Variants in SLC9C1 observed in about 807,000 individuals in gnomAD.
SLC9C1 encodes solute carrier family 9 member C1.
A neutral mutation model predicts 140.9 loss-of-function variants in SLC9C1; 97 were observed. That is an observed-to-expected ratio of 0.69 (90% confidence interval 0.58 to 0.82). The LOEUF (loss-of-function observed/expected upper bound fraction) is 0.82. SLC9C1 is among the 40% of genes least tolerant of loss of function. The pLI is 0.00. For missense variants in SLC9C1, 1,340 were observed against 1,389.3 expected (o/e 0.96, Z 0.56); for synonymous variants, 440 against 442.6 (o/e 0.99, Z 0.07).
intron 20 of SLC9C1, among the ~76,000 whole-genome samples, chr3:112,190,176 C>A (rs965261916): frequency 6.6e-6 from 1 of 152,144 alleles, no homozygotes; most frequent in Non-Finnish European, 1.5e-5. Flanking sequence ...ATGTCATCTG[C>A]AAACAGGGAA....
chr3:112,269,856 T>C, intron 7 of SLC9C1, 60 bp downstream of exon 7: 1 of 1,392,580 alleles, frequency 7.2e-7, no homozygotes, highest in Non-Finnish European at 9.4e-7. Flanking sequence ...GCATTTTTCA[T>C]ATATTTTTAT....
At chr3:112,189,497 C>T (rs1369014691) in intron 20 of SLC9C1, among the ~76,000 whole-genome samples, 1 of 152,182 alleles carries the variant, frequency 6.6e-6, no homozygotes, top group African/African-American at 2.4e-5. Flanking sequence ...ATCCTTTCCC[C>T]ATTGCTTGTT....
At chr3:112,189,692 C>G (rs934531602) in intron 20 of SLC9C1, among the ~76,000 whole-genome samples, 3 of 152,134 alleles carry the variant, frequency 2.0e-5, no homozygotes, top group African/African-American at 7.2e-5. Context: ...GTTCTTTTGG[C>G]TTAGGATTGT....
intron 15 of SLC9C1, among the ~76,000 whole-genome samples, chr3:112,209,528 T>C (rs2078144969): frequency 6.6e-6 from 1 of 152,162 alleles, no homozygotes; most frequent in African/African-American, 2.4e-5. Flanking sequence ...AAAAAGAAAT[T>C]CCAATTGAAA....
chr3:112,204,209 G>A lies in SLC9C1; in HGVS notation c.2172+9C>T. 6.8e-7 allele frequency: 1 copy of A among 1,470,024 alleles called. No individual in the cohort carries two copies. Among genetic ancestry groups the A allele is most frequent in the African/African-American group, 1.5e-5 (1 of 67,630 alleles). 91.1% of individuals were successfully genotyped at this position (1,470,024 alleles called of 1,614,324 possible). A position where few individuals can be genotyped will look rare whatever the true frequency, so the allele number is the denominator to read the frequency against. The stretch of plus-strand genomic sequence containing the variant: ...GAATTAGAAATTGCACGATTTACTG[G>A]TTCTTTACCTTGAAAATGCGTAGTA... On this transcript the variant is annotated intron_variant, in intron 17 of 28. Coordinates refer to ENST00000305815, the MANE Select transcript of SLC9C1 (RefSeq NM_183061.3).
intron 13 of SLC9C1, among the ~76,000 whole-genome samples, chr3:112,227,086 A>G (rs1304171267): frequency 6.6e-6 from 1 of 152,158 alleles, no homozygotes; most frequent in Non-Finnish European, 1.5e-5. Flanking sequence ...GGGGGAATGG[A>G]TAAATTCCTG....
Position 112,294,183 on chromosome 3 carries a change from T to C in SLC9C1, c.-178A>G, listed in dbSNP as rs1337456109. On this transcript the variant is annotated 5_prime_UTR_variant, in exon 1 of 29. Transcript: ENST00000305815. ...TCACAGCCAAACAGCCCAGACCAAC[T>C]GCAACCTCACTGACAGTTACTTGCT... The C allele has an allele frequency of 6.6e-6, 1 of 152,316 alleles. No homozygotes were observed. Among genetic ancestry groups the C allele is most frequent in the African/African-American group, 2.4e-5 (1 of 41,444 alleles). The allele number at this position is 152,316 out of a possible 1,614,324, so 9.4% of individuals were successfully genotyped here. A position where few individuals can be genotyped will look rare whatever the true frequency, so the allele number is the denominator to read the frequency against.
At chr3:112,280,452 A>G (rs1699356424) in intron 3 of SLC9C1, among the ~76,000 whole-genome samples, 1 of 152,070 alleles carries the variant, frequency 6.6e-6, no homozygotes, top group Admixed American at 6.6e-5. Context: ...CAGTAGCTGT[A>G]TGTACTCAGT....
rs1021427751 is a variant in SLC9C1 at position 112,145,232 on chromosome 3, G to T, written c.3525-3951C>A. The stretch of plus-strand genomic sequence containing the variant: ...GAGATGATCATATGGTTTTGTTTTT[G>T]ATTCTGTTTATGTGGTGAACCACAG... On this transcript the variant is annotated intron_variant, in intron 28 of 28. Transcript: ENST00000305815. Among the ~76,000 whole-genome samples, 12 of 150,526 alleles carry T rather than the reference G, an allele frequency of 8.0e-5. No homozygotes were observed. In the South Asian group the frequency reaches 1.3e-3, roughly 16 times the overall value.
At chr3:112,240,375 G>C (rs893029008) in intron 11 of SLC9C1, among the ~76,000 whole-genome samples, 3 of 152,170 alleles carry the variant, frequency 2.0e-5, no homozygotes, top group Non-Finnish European at 4.4e-5. Context: ...AGTTTCATTT[G>C]TCAACTTAAC....
Position 112,269,991 on chromosome 3 carries a change from T to C in SLC9C1, c.700A>G (p.Met234Val), listed in dbSNP as rs750893553. ...ACATCATCACCAAAAACAGTTGACA[T>C]CCAAAATTGAATCAGTTTTGAACTT... The part of the protein sequence containing the change: ...ILSSKLIQFW[M>V]STVFGDDVNH... Residue 234 changes from methionine to valine, a missense_variant, in exon 7 of 29, where the codon ATG becomes GTG. Coordinates refer to ENST00000305815, the MANE Select transcript of SLC9C1 (RefSeq NM_183061.3). 6.2e-7 allele frequency: 1 copy of C among 1,601,236 alleles called. No homozygotes were observed. Among genetic ancestry groups the C allele is most frequent in the Non-Finnish European group, 8.5e-7 (1 of 1,174,592 alleles).
intron 26 of SLC9C1, among the ~76,000 whole-genome samples, chr3:112,155,690 G>A (rs933957400): frequency 6.6e-6 from 1 of 152,094 alleles, no homozygotes; most frequent in African/African-American, 2.4e-5. Context: ...GAGGCCACCA[G>A]GTCTTTTATA....
intron 15 of SLC9C1, among the ~76,000 whole-genome samples, chr3:112,217,152 C>A (rs1458081576): frequency 1.3e-5 from 2 of 151,814 alleles, no homozygotes; most frequent in African/African-American, 4.8e-5. Context: ...GGGAACTGAA[C>A]AATGAGAACA....
rs558804474 is a variant in SLC9C1 at position 112,238,443 on chromosome 3, T to G, written c.1446+1397A>C. On this transcript the variant is annotated intron_variant, in intron 12 of 28. Transcript: ENST00000305815. The stretch of plus-strand genomic sequence containing the variant: ...TGGAGATGTTTGATCATCTGAAGCC[T>G]TCTTCTCTCAACTCGTCATATTCAT... 2.6e-5 allele frequency among the ~76,000 whole-genome samples: 4 copies of G among 152,332 alleles called. No individual in the cohort carries two copies. The South Asian group carries it at 8.3e-4, about 32-fold the overall frequency.
At chr3:112,196,931 C>A (rs2077781474) in intron 20 of SLC9C1, among the ~76,000 whole-genome samples, 1 of 149,196 alleles carries the variant, frequency 6.7e-6, no homozygotes, top group Non-Finnish European at 1.5e-5. Flanking sequence ...GCAATACTTG[C>A]CAGTTTTTGT....
chr3:112,239,925 G>A lies in SLC9C1; in HGVS notation c.1361C>T (p.Ala454Val), dbSNP rs754270673. 3.1e-6 allele frequency: 5 copies of A among 1,613,984 alleles called. No homozygotes were observed. In the Admixed American group the frequency reaches 5.0e-5, roughly 16 times the overall value. Residue 454 changes from alanine to valine, a missense_variant, in exon 12 of 29, where the codon GCC (alanine) becomes GTC (valine). By Grantham distance (64) the Ala-to-Val change is moderately conservative. Coordinates refer to ENST00000305815, the MANE Select transcript of SLC9C1 (RefSeq NM_183061.3). ...QHFQELTKSA[A>V]SALKFDKDLA... ...ATCTTTGTCAAATTTAAGGGCAGAGGCTGCAGACTTGGTTAGCTCTTGAAA... is the reference window on the plus strand; with the variant it reads ...ATCTTTGTCAAATTTAAGGGCAGAGACTGCAGACTTGGTTAGCTCTTGAAA...
chr3:112,281,272 T>G (rs1177801305), intron 2 of SLC9C1, among the ~76,000 whole-genome samples: 2 of 152,166 alleles, frequency 1.3e-5, no homozygotes, highest in Non-Finnish European at 2.9e-5. Flanking sequence ...TCCGACACCA[T>G]CGCCCTTCTT....
rs548058373 is a variant in SLC9C1, at chr3:112,176,833, C to T, written c.2919+2698G>A. Among the ~76,000 whole-genome samples, 3 of 152,152 alleles carry T rather than the reference C, an allele frequency of 2.0e-5. No homozygotes were observed. In the South Asian group the frequency reaches 6.2e-4, roughly 32 times the overall value. ...CCATGGGTGCTGTCAGGGCTTGCTC[C>T]AAGGCTTTGTTAGGTCTTAGAATAA... On this transcript the variant is annotated intron_variant, in intron 23 of 28. Coordinates refer to ENST00000305815, the MANE Select transcript of SLC9C1 (RefSeq NM_183061.3).
At chr3:112,248,145 A>G (rs2079345491) in intron 10 of SLC9C1, among the ~76,000 whole-genome samples, 2 of 152,140 alleles carry the variant, frequency 1.3e-5, no homozygotes, top group Admixed American at 1.3e-4. Flanking sequence ...CAAATGACAA[A>G]GAGGCTTCTG....
Sources: allele counts gnomAD v4.1 joint callset (sites outside exome capture counted in the v4.1 genomes callset), GRCh38; gene constraint gnomAD v4.1.1; transcripts MANE v1.5; gene names NCBI Gene and HGNC (gene_info 2026-07-23, HGNC 2026-07-21).